The following ENTPD1 variants were observed in gnomAD, a reference collection of about 807,000 sequenced individuals.
The protein encoded by ENTPD1 is ATP diphosphohydrolase.
A neutral mutation model predicts 57.0 loss-of-function variants in ENTPD1; 33 were observed. The observed-to-expected ratio is 0.58, with a 90% CI of 0.44 to 0.77. The LOEUF is 0.77. Ranked by LOEUF, ENTPD1 falls within the 30% of genes least tolerant of loss-of-function variation. The probability of loss-of-function intolerance (pLI) is 0.00; values close to 1 mark genes in which losing one functional copy is unlikely to be tolerated. For missense variants in ENTPD1, 501 were observed against 603.4 expected (o/e 0.83, Z 1.78); for synonymous variants, 202 against 218.8 (o/e 0.92, Z 0.68).
intron 1 of ENTPD1, among the ~76,000 whole-genome samples, chr10:95,718,204 T>C (rs1371528136): frequency 2.0e-5 from 3 of 152,098 alleles, no homozygotes; most frequent in Non-Finnish European, 4.4e-5. Context: ...TTCCACTGGT[T>C]AGCTGCAGGC....
chr10:95,745,760 A>C (rs993190336), intron 1 of ENTPD1, among the ~76,000 whole-genome samples: 1 of 152,212 alleles, frequency 6.6e-6, no homozygotes, highest in African/African-American at 2.4e-5. Flanking sequence ...TCAGTTCAGC[A>C]AACTCTCATT....
At chr10:95,706,835 C>A (rs971946870), upstream of ENTPD1, among the ~76,000 whole-genome samples, 2 of 152,188 alleles carry the variant, frequency 1.3e-5, no homozygotes, top group African/African-American at 4.8e-5. Context: ...TGGTGCCTTA[C>A]TGGGGACCCC....
chr10:95,783,843 T>C (rs2098167295), intron 1 of ENTPD1, among the ~76,000 whole-genome samples: 1 of 152,126 alleles, frequency 6.6e-6, no homozygotes, highest in South Asian at 2.1e-4. Context: ...GTATTTATGG[T>C]TGCCTGGGGA....
intron 5 of ENTPD1, 71 bp from the exon 6 acceptor site, chr10:95,845,286 G>T: frequency 6.2e-7 from 1 of 1,608,536 alleles, no homozygotes; most frequent in South Asian, 1.1e-5. Flanking sequence ...GGAAATCCCT[G>T]ACTCCAATAG....
In ENTPD1 at chr10:95,866,926, A is replaced by G; in HGVS notation, c.*543A>G. ...TTTCTACAGTAGGCAAATATGTGCT[A>G]AAGCCAAAGAGTTTTATAAGGAAAT... is the stretch of plus-strand genomic sequence containing the variant. On this transcript the variant is annotated 3_prime_UTR_variant, in exon 10 of 10. Coordinates refer to ENST00000371205, the MANE Select transcript of ENTPD1 (RefSeq NM_001776.6). 9.8e-7 allele frequency: 1 copy of G among 1,016,206 alleles called. No individual in the cohort carries two copies. The highest frequency in any genetic ancestry group is 1.2e-6 in the Non-Finnish European group (1 of 847,606). The allele number at this position is 1,016,206 out of a possible 1,614,324, so 62.9% of individuals were successfully genotyped here.
chr10:95,756,531 A>G, intron 1 of ENTPD1: 1 of 464,650 alleles, frequency 2.2e-6, no homozygotes. Flanking sequence ...GTTTTTTTAG[A>G]GGCAAATGAC....
At chr10:95,805,426 G>A (rs1390155068) in intron 1 of ENTPD1, among the ~76,000 whole-genome samples, 3 of 151,966 alleles carry the variant, frequency 2.0e-5, no homozygotes, top group African/African-American at 7.3e-5. Flanking sequence ...CACACTGATG[G>A]GTCTTGACTC....
At chr10:95,768,282 C>T (rs1247190170) in intron 1 of ENTPD1, among the ~76,000 whole-genome samples, 2 of 152,034 alleles carry the variant, frequency 1.3e-5, no homozygotes, top group Admixed American at 1.3e-4. Flanking sequence ...TATGGTAAAC[C>T]CTCTTGATTT....
chr10:95,710,264 G>C (rs542845194), upstream of ENTPD1, among the ~76,000 whole-genome samples: 2 of 152,130 alleles, frequency 1.3e-5, no homozygotes, highest in South Asian at 4.2e-4. Context: ...AATTAGCCGG[G>C]TGTGGTGGTG....
chr10:95,776,343 A>G, intron 1 of ENTPD1, among the ~76,000 whole-genome samples: 1 of 152,204 alleles, frequency 6.6e-6, no homozygotes, highest in Non-Finnish European at 1.5e-5. Flanking sequence ...GGTGGTGACA[A>G]AATCTCTCAG....
chr10:95,839,885 A>C, intron 3 of ENTPD1, 77 bp downstream of exon 3: 5 of 1,444,874 alleles, frequency 3.5e-6, no homozygotes, highest in Non-Finnish European at 4.9e-6. Context: ...AGTAGAACAC[A>C]AGAGAAAAAG....
At chr10:95,851,677 G>T (rs979751158) in intron 7 of ENTPD1, among the ~76,000 whole-genome samples, 17 of 149,102 alleles carry the variant, frequency 1.1e-4, no homozygotes, top group African/African-American at 4.2e-4. Flanking sequence ...AGAACATGCA[G>T]TGTTTGTTTT....
chr10:95,781,407 ATAATT>A (rs1482513349), intron 1 of ENTPD1, among the ~76,000 whole-genome samples: 1 of 152,178 alleles, frequency 6.6e-6, no homozygotes, highest in African/African-American at 2.4e-5. Flanking sequence ...ATAGACAATA[ATAATT>A]TAATTGAACA....
chr10:95,771,534 C>T (rs2098115837), intron 1 of ENTPD1, among the ~76,000 whole-genome samples: 1 of 152,062 alleles, frequency 6.6e-6, no homozygotes, highest in African/African-American at 2.4e-5. Flanking sequence ...TTTGAAAGAG[C>T]CCCTCTCCTT....
chr10:95,716,319 G>A (rs551349363), intron 1 of ENTPD1, among the ~76,000 whole-genome samples: 1 of 152,258 alleles, frequency 6.6e-6, no homozygotes, highest in South Asian at 2.1e-4. Flanking sequence ...CTATAGCTCA[G>A]TTCTCTCCTT....
intron 1 of ENTPD1, among the ~76,000 whole-genome samples, chr10:95,716,267 A>T (rs1266613471): frequency 6.6e-6 from 1 of 152,196 alleles, no homozygotes; most frequent in Non-Finnish European, 1.5e-5. Flanking sequence ...ACTTCAGGTT[A>T]ATGGTGGTTT....
intron 2 of ENTPD1, among the ~76,000 whole-genome samples, chr10:95,837,449 T>G (rs2098412719): frequency 6.6e-6 from 1 of 152,220 alleles, no homozygotes; most frequent in African/African-American, 2.4e-5. Flanking sequence ...GGCCACCACC[T>G]AAGCCATTTC....
chr10:95,799,974 G>C (rs1176158273), intron 1 of ENTPD1, among the ~76,000 whole-genome samples: 1 of 151,894 alleles, frequency 6.6e-6, no homozygotes, highest in Non-Finnish European at 1.5e-5. Flanking sequence ...CTTTTTAATG[G>C]GGTTGTTTTT....
chr10:95,842,223 A>C, intron 3 of ENTPD1, 121 bp from the exon 4 acceptor site: 1 of 861,232 alleles, frequency 1.2e-6, no homozygotes, highest in Non-Finnish European at 1.8e-6. Flanking sequence ...CCTAATGTAT[A>C]GTACATCAGG....
Sources: allele counts gnomAD v4.1 joint callset (sites outside exome capture counted in the v4.1 genomes callset), GRCh38; gene constraint gnomAD v4.1.1; transcripts MANE v1.5; gene names NCBI Gene and HGNC (gene_info 2026-07-23, HGNC 2026-07-21).